MAGI1: variants seen among roughly 807,000 people sequenced by gnomAD.
MAGI1 encodes the protein membrane associated guanylate kinase, WW and PDZ domain containing 1.
Under a neutral mutation model 139.9 loss-of-function variants are expected in MAGI1, and 58 were observed. The ratio of observed to expected loss-of-function variants is 0.41; its 90% CI spans 0.34 to 0.52. The LOEUF is 0.52. MAGI1 is among the 20% of genes least tolerant of loss of function. The probability of loss-of-function intolerance (pLI) is 0.12; values close to 1 mark genes in which losing one functional copy is unlikely to be tolerated. For synonymous variants in MAGI1, 812 were observed against 737.9 expected, an observed-to-expected ratio of 1.10 and a Z score of -1.63; for missense variants, 1,874 against 1,901.6, an observed-to-expected ratio of 0.99 and a Z score of 0.27.
chr3:65,475,987 T>G (rs1440742975), intron 4 of MAGI1, among the ~76,000 whole-genome samples: 1 of 151,922 alleles, frequency 6.6e-6, no homozygotes, highest in East Asian at 1.9e-4. Context: ...TTCTACATTT[T>G]GATATGATGC....
intron 1 of MAGI1, among the ~76,000 whole-genome samples, chr3:65,899,610 G>A (rs1283823627): frequency 6.6e-6 from 1 of 152,194 alleles, no homozygotes; most frequent in Non-Finnish European, 1.5e-5. Context: ...ATAAAATTAA[G>A]AGAGCTGAAA....
intron 3 of MAGI1, among the ~76,000 whole-genome samples, chr3:65,481,100 C>T (rs945403939): frequency 1.3e-5 from 2 of 152,124 alleles, no homozygotes; most frequent in African/African-American, 4.8e-5. Context: ...ACCTGATACG[C>T]ACATTCTGGT....
At chr3:65,723,345 T>G (rs907995653) in intron 1 of MAGI1, among the ~76,000 whole-genome samples, 1 of 152,186 alleles carries the variant, frequency 6.6e-6, no homozygotes, top group Non-Finnish European at 1.5e-5. Context: ...GCTTCAATCC[T>G]GGACTTTTCA....
At chr3:65,572,533 A>C (rs1164864200) in intron 2 of MAGI1, among the ~76,000 whole-genome samples, 1 of 152,088 alleles carries the variant, frequency 6.6e-6, no homozygotes, top group African/African-American at 2.4e-5. Flanking sequence ...TCTATCCTTC[A>C]AAGTAGTTAA....
intron 18 of MAGI1, among the ~76,000 whole-genome samples, chr3:65,374,064 T>C (rs1166906073): frequency 2.0e-5 from 3 of 152,206 alleles, no homozygotes; most frequent in African/African-American, 7.2e-5. Flanking sequence ...CTAATTTTCT[T>C]ATTTTATAGA....
intron 12 of MAGI1, among the ~76,000 whole-genome samples, chr3:65,421,170 T>C (rs1946610171): frequency 1.3e-5 from 2 of 152,240 alleles, no homozygotes; most frequent in Non-Finnish European, 2.9e-5. Flanking sequence ...CCTGTCACTC[T>C]ACAAAGAATT....
intron 2 of MAGI1, among the ~76,000 whole-genome samples, chr3:65,579,431 CACACT>C (rs1301165539): frequency 2.0e-5 from 3 of 152,162 alleles, no homozygotes; most frequent in Non-Finnish European, 4.4e-5. Flanking sequence ...CCAGATACAC[CACACT>C]ACACAAGTGA....
chr3:65,776,139 G>C (rs902783373), intron 1 of MAGI1, among the ~76,000 whole-genome samples: 2 of 151,706 alleles, frequency 1.3e-5, no homozygotes, highest in Non-Finnish European at 2.9e-5. Context: ...TTTTGAAATA[G>C]CTCATCCTCC....
At position 65,840,974 on chromosome 3, in the gene MAGI1, T is replaced by C. The variant is rs546431745; in HGVS notation, c.313+197022A>G. ...AATTTCCTTAAAAATAATAGAGCTA[T>C]TCAAATTATCCATTTGATAGTAAGT... On this transcript the variant is annotated intron_variant, in intron 1 of 22. Transcript: ENST00000402939. Among the ~76,000 whole-genome samples the C allele has an allele frequency of 5.3e-5, 8 of 152,310 alleles. No individual in the cohort carries two copies. In the East Asian group the frequency reaches 1.5e-3, roughly 29 times the overall value.
intron 1 of MAGI1, among the ~76,000 whole-genome samples, chr3:66,031,728 CGAGAGGGCTAAAATTGGATTGT>C (rs1461714563): frequency 6.6e-6 from 1 of 150,804 alleles, no homozygotes; most frequent in Non-Finnish European, 1.5e-5. Flanking sequence ...AATTTAAGAG[CGAGAGGGCTAAAATTGGATTGT>C]GTTCTGTAGC....
intron 1 of MAGI1, among the ~76,000 whole-genome samples, chr3:65,631,091 T>C (rs1194582589): frequency 6.6e-6 from 1 of 152,224 alleles, no homozygotes; most frequent in Non-Finnish European, 1.5e-5. Flanking sequence ...GTAGAGCTGA[T>C]GATCACACAA....
chr3:65,487,088 C>A (rs866724195), intron 3 of MAGI1, among the ~76,000 whole-genome samples: 5 of 152,162 alleles, frequency 3.3e-5, no homozygotes, highest in African/African-American at 4.8e-5. Flanking sequence ...CTGTGGTTGC[C>A]AGATGAAATG....
intron 1 of MAGI1, among the ~76,000 whole-genome samples, chr3:65,944,501 G>A (rs2063464943): frequency 6.6e-6 from 1 of 152,022 alleles, no homozygotes; most frequent in African/African-American, 2.4e-5. Context: ...CTGGGCAACA[G>A]AGCAAGACCC....
chr3:65,905,587 C>T (rs2061406215), intron 1 of MAGI1, among the ~76,000 whole-genome samples: 1 of 152,082 alleles, frequency 6.6e-6, no homozygotes, highest in African/African-American at 2.4e-5. Flanking sequence ...AATGATCCTC[C>T]CACCTCAGTC....
chr3:65,429,254 C>A (rs1947302348), intron 12 of MAGI1, among the ~76,000 whole-genome samples: 2 of 152,208 alleles, frequency 1.3e-5, no homozygotes, highest in South Asian at 4.2e-4. Context: ...GGTACCACCA[C>A]ACCCAACTTA....
intron 1 of MAGI1, among the ~76,000 whole-genome samples, chr3:65,991,705 G>T (rs1039853874): frequency 6.6e-6 from 1 of 152,012 alleles, no homozygotes; most frequent in Admixed American, 6.6e-5. Flanking sequence ...TAAATCACAC[G>T]GTGGTATCAG....
intron 2 of MAGI1, among the ~76,000 whole-genome samples, chr3:65,508,829 C>T (rs866947310): frequency 6.6e-6 from 1 of 152,162 alleles, no homozygotes; most frequent in South Asian, 2.1e-4. Flanking sequence ...GTGTCATTAT[C>T]ACACAATGCT....
intron 1 of MAGI1, among the ~76,000 whole-genome samples, chr3:66,019,849 G>A (rs928872955): frequency 3.9e-5 from 6 of 152,104 alleles, no homozygotes; most frequent in Admixed American, 1.3e-4. Flanking sequence ...GTCAGAAGTG[G>A]GGATCAGTTG....
chr3:65,728,593 C>G (rs1428917984), intron 1 of MAGI1, among the ~76,000 whole-genome samples: 1 of 152,150 alleles, frequency 6.6e-6, no homozygotes, highest in Non-Finnish European at 1.5e-5. Context: ...AGAAATAAGT[C>G]AAACTAGATA....
Sources: gnomAD v4.1 joint callset for allele counts (sites outside exome capture counted in the v4.1 genomes callset) on GRCh38, gnomAD v4.1.1 for gene constraint, MANE v1.5 for transcripts, NCBI Gene and HGNC (gene_info 2026-07-23, HGNC 2026-07-21) for gene names.